ITK: variants seen among roughly 807,000 people sequenced by gnomAD.
The protein encoded by ITK is tyrosine-protein kinase ITK/TSK.
ITK carries 45 observed loss-of-function variants against 87.6 expected under a neutral mutation model. The observed-to-expected ratio is 0.51, with a 90% CI of 0.40 to 0.66. The LOEUF (loss-of-function observed/expected upper bound fraction) is 0.66, where lower values mean the gene tolerates loss of function less well. Ranked by LOEUF, ITK falls within the 30% of genes least tolerant of loss-of-function variation. ITK has a pLI of 0.00. For synonymous variants in ITK, 303 were observed against 273.6 expected (o/e 1.11, Z -1.06); for missense variants, 605 against 766.3 (o/e 0.79, Z 2.48).
chr5:157,181,241 T>TA, intron 1 of ITK, 126 bp downstream of exon 1: 1 of 1,037,978 alleles, frequency 9.6e-7, no homozygotes, highest in South Asian at 1.3e-5. Flanking sequence ...TGTAACAACA[T>TA]AAAAAGTACA....
At chr5:157,195,388 T>A (rs1480328566) in intron 1 of ITK, 1 of 152,262 alleles carries the variant, frequency 6.6e-6, no homozygotes, top group East Asian at 1.9e-4. Context: ...TTCATATCTG[T>A]GTATTAATAG....
At chr5:157,236,816 A>T (rs1754784757) in intron 8 of ITK, among the ~76,000 whole-genome samples, 1 of 152,140 alleles carries the variant, frequency 6.6e-6, no homozygotes, top group Admixed American at 6.5e-5. Context: ...GGCGAAAGTT[A>T]CATTCTCAGG....
Position 157,223,023 on chromosome 5 carries a change from T to A in ITK, c.647+9T>A. ...GTCCAGGACAGGAATGGGTAAGTCA[T>A]CTTTGTGGCTGCTGTCCCCGTGTTT... On this transcript the variant is annotated intron_variant, in intron 6 of 16. Coordinates refer to ENST00000422843, the MANE Select transcript of ITK (RefSeq NM_005546.4). 3 of 1,614,002 alleles carry A rather than the reference T, an allele frequency of 1.9e-6. No individual in the cohort carries two copies. Among genetic ancestry groups the A allele is most frequent in the Non-Finnish European group, 2.5e-6 (3 of 1,179,996 alleles).
chr5:157,215,434 A>G (rs1754280169), intron 4 of ITK, among the ~76,000 whole-genome samples: 1 of 152,232 alleles, frequency 6.6e-6, no homozygotes, highest in African/African-American at 2.4e-5. Flanking sequence ...CCTTGGGGAA[A>G]AAAGCTCTTA....
intron 6 of ITK, 64 bp downstream of exon 6, chr5:157,223,078 G>T (rs113527092): frequency 6.3e-7 from 1 of 1,582,096 alleles, no homozygotes; most frequent in East Asian, 2.2e-5. Context: ...TAAAATACCA[G>T]GATGATTTGT....
chr5:157,232,689 T>G (rs577846084), intron 8 of ITK, among the ~76,000 whole-genome samples: 1 of 152,308 alleles, frequency 6.6e-6, no homozygotes, highest in East Asian at 1.9e-4. Flanking sequence ...GCCAATGCAG[T>G]GGGTTGACAT....
chr5:157,195,916 C>A (rs1362308389), intron 1 of ITK: 1 of 152,172 alleles, frequency 6.6e-6, no homozygotes, highest in Non-Finnish European at 1.5e-5. Context: ...AATGAACAGC[C>A]TTGTAGATGT....
intron 11 of ITK, among the ~76,000 whole-genome samples, chr5:157,243,325 T>C (rs867298824): frequency 9.8e-5 from 15 of 152,308 alleles, no homozygotes; most frequent in Middle Eastern, 3.4e-3. Context: ...GTGTGAAAAA[T>C]GACATAGAAA....
intron 1 of ITK, among the ~76,000 whole-genome samples, chr5:157,201,189 AT>A (rs1398899478): frequency 6.6e-6 from 1 of 152,126 alleles, no homozygotes; most frequent in Non-Finnish European, 1.5e-5. Context: ...TAGAAAAAAA[AT>A]TTTGAGTCTT....
intron 10 of ITK, chr5:157,240,564 G>A: frequency 3.1e-6 from 1 of 321,748 alleles, no homozygotes; most frequent in South Asian, 3.2e-5. Flanking sequence ...AGGAATACCT[G>A]AGGCTGGGTA....
intron 14 of ITK, 37 bp from the exon 15 acceptor site, chr5:157,245,844 G>A (rs199676407): frequency 3.0e-5 from 48 of 1,609,476 alleles, no homozygotes; most frequent in East Asian, 1.6e-4. Context: ...TGAGGCCCCC[G>A]GAACATTCTG....
Position 157,222,879 on chromosome 5 carries a change from C to T in ITK, c.512C>T (p.Pro171Leu), listed in dbSNP as rs776493663. 21 of 1,613,926 alleles carry T rather than the reference C, an allele frequency of 1.3e-5. No individual in the cohort carries two copies. In the East Asian group the frequency reaches 4.5e-4, roughly 34 times the overall value. ...CTTCCCCAGCGACCACTTTGGGAAC[C>T]TGAAGAAACTGTGGTCATTGCCTTA... ...PEDNRRPLWE[P>L]EETVVIALYD... Residue 171 changes from proline (P) to leucine (L), a missense_variant, in exon 6 of 17, where the codon CCT (proline) becomes CTT (leucine). Physicochemically the swap from Pro to Leu is moderately conservative, Grantham distance 98. Coordinates refer to ENST00000422843, the MANE Select transcript of ITK (RefSeq NM_005546.4).
chr5:157,251,741 G>A (rs1580913395), intron 16 of ITK, among the ~76,000 whole-genome samples: 1 of 152,154 alleles, frequency 6.6e-6, no homozygotes, highest in African/African-American at 2.4e-5. Flanking sequence ...AATTATTACA[G>A]CCCTGTTTGT....
chr5:157,213,441 A>C (rs1292939919), intron 3 of ITK: 3 of 366,012 alleles, frequency 8.2e-6, no homozygotes, highest in Non-Finnish European at 1.1e-5. Flanking sequence ...GCAGTAGCAC[A>C]AGCATGGCTC....
chr5:157,186,366 TA>T (rs56804246), intron 1 of ITK, among the ~76,000 whole-genome samples: 24,843 of 140,524 alleles, frequency 0.18, 2,386 homozygotes, highest in African/African-American at 0.28. Context: ...CTATGTGTCT[TA>T]AAAAAAAAAA....
intron 7 of ITK, among the ~76,000 whole-genome samples, chr5:157,229,774 T>C (rs76556455): frequency 0.016 from 2,485 of 152,006 alleles, 27 homozygotes; most frequent in Non-Finnish European, 0.027. Flanking sequence ...ATTATCCGGG[T>C]GTGATGGCAC....
At chr5:157,249,719 T>G (rs1755102991) in intron 16 of ITK, among the ~76,000 whole-genome samples, 1 of 152,254 alleles carries the variant, frequency 6.6e-6, no homozygotes, top group African/African-American at 2.4e-5. Context: ...TTGACAATTC[T>G]CTGAACTTCC....
At chr5:157,242,235 G>A (rs938464538) in intron 11 of ITK, among the ~76,000 whole-genome samples, 3 of 152,094 alleles carry the variant, frequency 2.0e-5, no homozygotes, top group Admixed American at 1.3e-4. Flanking sequence ...CTTGCCCTAC[G>A]GAATTGCTTC....
chr5:157,249,495 G>A (rs181884305), intron 16 of ITK, among the ~76,000 whole-genome samples: 2 of 152,334 alleles, frequency 1.3e-5, no homozygotes, highest in East Asian at 3.9e-4. Context: ...CCCCAACCTT[G>A]GATTGCAGGC....
Sources: gnomAD v4.1 joint callset for allele counts (sites outside exome capture counted in the v4.1 genomes callset) on GRCh38, gnomAD v4.1.1 for gene constraint, MANE v1.5 for transcripts, NCBI Gene and HGNC (gene_info 2026-07-23, HGNC 2026-07-21) for gene names.